The following NPHP1 variants were observed in gnomAD, a reference collection of about 807,000 sequenced individuals.
NPHP1 encodes nephrocystin-1.
Under a neutral mutation model 90.4 loss-of-function variants are expected in NPHP1, and 70 were observed. That is an observed-to-expected ratio of 0.77 (90% confidence interval 0.64 to 0.95). NPHP1 has a LOEUF of 0.95. Among genes scored for constraint, NPHP1 ranks in the 40% least tolerant of loss-of-function variants. The pLI, the probability that NPHP1 is intolerant of heterozygous loss-of-function variation, is 0.00. For synonymous variants in NPHP1, 256 were observed against 271.7 expected (o/e 0.94, Z 0.57); for missense variants, 764 against 795.9 (o/e 0.96, Z 0.48).
intron 2 of NPHP1, among the ~76,000 whole-genome samples, chr2:110,182,168 C>G (rs932844630): frequency 1.4e-4 from 21 of 151,772 alleles, no homozygotes; most frequent in African/African-American, 4.8e-4. Context: ...TATTGGGGTA[C>G]CTAAAAAAGA....
At chr2:110,150,778 G>A (rs1279351225) in intron 11 of NPHP1, among the ~76,000 whole-genome samples, 2 of 151,538 alleles carry the variant, frequency 1.3e-5, no homozygotes, top group African/African-American at 2.4e-5. Context: ...TCGAACTCCT[G>A]ACCTGAGGTG....
rs2104562029 is a variant in NPHP1, at chr2:110,165,110, T to C, written c.670A>G (p.Ser224Gly). 6.2e-7 allele frequency: 1 copy of C among 1,613,882 alleles called. No individual in the cohort carries two copies. The highest frequency in any genetic ancestry group is 8.5e-7 in the Non-Finnish European group (1 of 1,179,812). ...TCCACCGCCTCTACATCTTCTTCAC[T>C]GCCCTCTTCACTTGACTCTTGGCCT... ...EEGQESSEEG[S>G]EEDVEAVDET... The change falls in exon 7 of 20, where the codon AGT becomes GGT. Residue 224 changes from serine (S) to glycine (G), a missense_variant. By Grantham distance (56) the Ser-to-Gly change is moderately conservative. Transcript: ENST00000445609.
intron 11 of NPHP1, among the ~76,000 whole-genome samples, chr2:110,159,425 C>A (rs938279559): frequency 6.6e-6 from 1 of 151,758 alleles, no homozygotes; most frequent in African/African-American, 2.4e-5. Flanking sequence ...TTCTTTGTGG[C>A]AAGATTTTTT....
intron 4 of NPHP1, among the ~76,000 whole-genome samples, chr2:110,175,391 G>A (rs1397445155): frequency 1.3e-5 from 2 of 152,038 alleles, no homozygotes; most frequent in Non-Finnish European, 2.9e-5. Context: ...TTCTTATACT[G>A]CAGATCAGTT....
At chr2:110,124,497 T>A in intron 19 of NPHP1, 1 of 265,738 alleles carries the variant, frequency 3.8e-6, no homozygotes, top group Non-Finnish European at 7.4e-6. Flanking sequence ...GTGTTCTGCA[T>A]AGGATCCAGA....
Position 110,129,277 on chromosome 2 carries a change from A to C in NPHP1, c.1643-18T>G. ...AATTAAATCTGAAATGCAAAACAAC[A>C]GAAAGAATTTTATGCAAACTTCACT... On this transcript the variant is annotated intron_variant, in intron 17 of 19. Transcript: ENST00000445609. 2 of 1,598,708 alleles carry C rather than the reference A, an allele frequency of 1.3e-6. No homozygotes were observed. Among genetic ancestry groups the C allele is most frequent in the Non-Finnish European group, 1.7e-6 (2 of 1,166,408 alleles).
intron 2 of NPHP1, among the ~76,000 whole-genome samples, chr2:110,190,872 A>C (rs1028874068): frequency 1.3e-5 from 2 of 152,192 alleles, no homozygotes; most frequent in African/African-American, 4.8e-5. Flanking sequence ...TAAGAAAAAA[A>C]AACCCCATTA....
intron 4 of NPHP1, among the ~76,000 whole-genome samples, chr2:110,177,032 C>T (rs369707016): frequency 1.6e-4 from 24 of 152,128 alleles, no homozygotes; most frequent in African/African-American, 4.6e-4. Context: ...TCTCCTCAGT[C>T]GAGTAAGACT....
chr2:110,191,149 G>T (rs956714117), intron 2 of NPHP1, among the ~76,000 whole-genome samples: 3 of 152,152 alleles, frequency 2.0e-5, no homozygotes, highest in African/African-American at 7.2e-5. Context: ...TCTCACTAGG[G>T]ACTATCAGAC....
intron 11 of NPHP1, among the ~76,000 whole-genome samples, chr2:110,155,310 C>A (rs1452597170): frequency 6.6e-6 from 1 of 152,148 alleles, no homozygotes; most frequent in Non-Finnish European, 1.5e-5. Flanking sequence ...AGGGGCGGGG[C>A]TCTCATGGAG....
chr2:110,124,568 GATGT>G, intron 19 of NPHP1: 11 of 220,824 alleles, frequency 5.0e-5, no homozygotes, highest in East Asian at 9.8e-5. Context: ...TGGTGATGAG[GATGT>G]CAGACCCTTC....
At position 110,160,250 on chromosome 2, in the gene NPHP1, C is replaced by A. The variant is rs1384871465; in HGVS notation, c.960G>T (p.Arg320Ser). The change falls in exon 11 of 20, where the codon AGG (arginine) becomes AGT (serine). Residue 320 changes from arginine (R) to serine (S), a missense_variant. Physicochemically the swap from Arg to Ser is moderately radical, Grantham distance 110. Coordinates refer to ENST00000445609, the MANE Select transcript of NPHP1 (RefSeq NM_001128178.3). ...LMWDATEGTI[R>S]SRPSRISLIL... ...TCAATGAAATACGACTTGGTCTCGA[C>A]CTAATCTGAAAGAAAAATTAGTTAT... is the stretch of plus-strand genomic sequence containing the variant. The A allele has an allele frequency of 1.2e-6, 2 of 1,607,950 alleles. No individual in the cohort carries two copies. The highest frequency in any genetic ancestry group is 1.7e-6 in the Non-Finnish European group (2 of 1,175,018).
At chr2:110,200,273 C>A (rs991644274) in intron 2 of NPHP1, among the ~76,000 whole-genome samples, 4 of 137,590 alleles carry the variant, frequency 2.9e-5, no homozygotes, top group African/African-American at 5.5e-5. Context: ...TAAAACATAA[C>A]AATTATTAGG....
At chr2:110,169,120 A>T (rs1682928341) in intron 5 of NPHP1, among the ~76,000 whole-genome samples, 1 of 152,122 alleles carries the variant, frequency 6.6e-6, no homozygotes, top group African/African-American at 2.4e-5. Context: ...CTACAAAAGC[A>T]AACACTTAAT....
At position 110,164,275 on chromosome 2, in the gene NPHP1, G is replaced by A. The variant is rs182917380; in HGVS notation, c.771+413C>T. 1.3e-3 allele frequency: 692 copies of A among 519,332 alleles called. 6 individuals carry two copies. The highest frequency in any genetic ancestry group is 8.4e-3 in the Middle Eastern group (16 of 1,910). 32.2% of individuals were successfully genotyped at this position (519,332 alleles called of 1,614,324 possible). ...TGGTCTTGAATTCCTGGCCTCAAGT[G>A]ATCCTCCTGCTTCAGCTTCCCAAAA... On this transcript the variant is annotated intron_variant, in intron 8 of 19. Transcript: ENST00000445609.
chr2:110,123,993 G>C lies in NPHP1; in HGVS notation c.1832C>G (p.Ser611Cys), dbSNP rs549736636. ...CCACCTGAATGGGGGTAGGCGTGTG[G>C]AGTGGAGAAGTGGGAGCACGCAGTC... ...YHDCVLPLLH[S>C]TRLPPFRWAE... The change falls in exon 20 of 20, where the codon TCC (serine) becomes TGC (cysteine). Residue 611 changes from serine to cysteine, a missense_variant. Transcript: ENST00000445609. 1.2e-6 allele frequency: 2 copies of C among 1,614,076 alleles called. No individual in the cohort carries two copies. Among genetic ancestry groups the C allele is most frequent in the Middle Eastern group, 1.6e-4 (1 of 6,062 alleles).
chr2:110,150,193 A>C lies in NPHP1; in HGVS notation c.1147T>G (p.Phe383Val), dbSNP rs1378157993. ...AGCAGATTACTTACCTGGGGAGAAA[A>C]GGTCCATGTTTTGGGCTTTTTAGGT... ...WQPKKPKTWT[F>V]SPQVTRILPC... Residue 383 changes from phenylalanine to valine, a missense_variant, in exon 12 of 20, where the codon TTT (phenylalanine) becomes GTT (valine). By Grantham distance (50) the Phe-to-Val change is conservative. Coordinates refer to ENST00000445609, the MANE Select transcript of NPHP1 (RefSeq NM_001128178.3). 9 of 1,613,032 alleles carry C rather than the reference A, an allele frequency of 5.6e-6. No homozygotes were observed. Among genetic ancestry groups the C allele is most frequent in the African/African-American group, 2.7e-5 (2 of 74,918 alleles).
chr2:110,156,825 G>C (rs1681932549), intron 11 of NPHP1, among the ~76,000 whole-genome samples: 1 of 148,976 alleles, frequency 6.7e-6, no homozygotes, highest in Non-Finnish European at 1.5e-5. Context: ...TCACCAGGCT[G>C]GAGTGCAGTG....
chr2:110,180,522 C>T (rs764000961), intron 2 of NPHP1, among the ~76,000 whole-genome samples: 1 of 124,312 alleles, frequency 8.0e-6, no homozygotes, highest in Non-Finnish European at 1.6e-5. Context: ...GGAATAACAA[C>T]GTTGATCCAA....
Sources: gnomAD v4.1 joint callset for allele counts (sites outside exome capture counted in the v4.1 genomes callset) on GRCh38, gnomAD v4.1.1 for gene constraint, MANE v1.5 for transcripts, NCBI Gene and HGNC (gene_info 2026-07-23, HGNC 2026-07-21) for gene names.